The following UGT1A5 variants were observed in gnomAD, a reference collection of about 807,000 sequenced individuals.
The protein encoded by UGT1A5 is UDP-glucuronosyltransferase 1A5.
UGT1A5 carries 29 observed loss-of-function variants against 40.3 expected under a neutral mutation model. The observed-to-expected ratio is 0.72, with a 90% CI of 0.54 to 0.98. The LOEUF (loss-of-function observed/expected upper bound fraction) is 0.98. Ranked by LOEUF, UGT1A5 falls within the 50% of genes least tolerant of loss-of-function variation. The pLI is 0.00. For synonymous variants in UGT1A5, 257 were observed against 262.5 expected (o/e 0.98, Z 0.20); for missense variants, 678 against 677.9 (o/e 1.00, Z 0.00).
intron 1 of UGT1A5, among the ~76,000 whole-genome samples, chr2:233,731,771 A>T (rs1045763879): frequency 6.6e-6 from 1 of 152,184 alleles, no homozygotes; most frequent in Non-Finnish European, 1.5e-5. Flanking sequence ...TTAGAGTAGT[A>T]TCATTTATAA....
At position 233,733,533 on chromosome 2, in the gene UGT1A5, G is replaced by A. The variant is rs184573517; in HGVS notation, c.867+19675G>A. On this transcript the variant is annotated intron_variant, in intron 1 of 4. Coordinates refer to ENST00000373414, the MANE Select transcript of UGT1A5 (RefSeq NM_019078.2). ...TAGGCATGAAGGGATGTTTAATTTT[G>A]TTGAAGGCCTTTTCTGCATCTGTTG... 2.9e-3 allele frequency among the ~76,000 whole-genome samples: 440 copies of A among 152,268 alleles called. 3 individuals carry two copies. Among genetic ancestry groups the A allele is most frequent in the African/African-American group, 0.01 (417 of 41,554 alleles).
At chr2:233,767,657 C>T (rs1486356449) in intron 2 of UGT1A5, among the ~76,000 whole-genome samples, 192 bp from the exon 3 acceptor site, 2 of 152,174 alleles carry the variant, frequency 1.3e-5, no homozygotes, top group Non-Finnish European at 2.9e-5. Flanking sequence ...AGTGCATACA[C>T]CCTTGTAACT....
chr2:233,746,330 C>T (rs1183707871), intron 1 of UGT1A5, among the ~76,000 whole-genome samples: 1 of 151,730 alleles, frequency 6.6e-6, no homozygotes, highest in African/African-American at 2.4e-5. Context: ...ATCTACAGGG[C>T]AATGGACATG....
rs556291305 is a variant in UGT1A5, at chr2:233,766,974, G to A, written c.868-60G>A. 4.3e-6 allele frequency: 7 copies of A among 1,611,912 alleles called. No homozygotes were observed. In the East Asian group the frequency reaches 1.6e-4, roughly 36 times the overall value. On this transcript the variant is annotated intron_variant, in intron 1 of 4. Transcript: ENST00000373414. ...GAAGATATCTAATTCATAACTTACT[G>A]TATGTAGTCATCAAAGAATATGAGA... is the stretch of plus-strand genomic sequence containing the variant.
At position 233,769,662 on chromosome 2, in the gene UGT1A5, G is replaced by A; in HGVS notation, c.1307+1223G>A. 1 of 1,599,484 alleles carries A rather than the reference G, an allele frequency of 6.3e-7. No individual in the cohort carries two copies. The highest frequency in any genetic ancestry group is 8.5e-7 in the Non-Finnish European group (1 of 1,173,496). On this transcript the variant is annotated intron_variant, in intron 4 of 4. Transcript: ENST00000373414. The surrounding 1 kb of genome is among the most constrained non-coding windows in gnomAD (Gnocchi z 4.4). ...GACTGATGACTGACTTCCCACCTTT[G>A]AGGTGCTAATGTGTGTGTGGTGGCA...
chr2:233,740,484 TC>T (rs1034882349), intron 1 of UGT1A5, among the ~76,000 whole-genome samples: 1 of 151,900 alleles, frequency 6.6e-6, no homozygotes, highest in African/African-American at 2.4e-5. Flanking sequence ...CATTCCCTCT[TC>T]CAGATGCTTT....
intron 1 of UGT1A5, among the ~76,000 whole-genome samples, chr2:233,747,034 C>T (rs1693545520): frequency 6.6e-6 from 1 of 151,808 alleles, no homozygotes; most frequent in Non-Finnish European, 1.5e-5. Context: ...CGAAGTGGGA[C>T]CCATAATGAA....
chr2:233,747,212 A>G, intron 1 of UGT1A5: 1 of 1,605,294 alleles, frequency 6.2e-7, no homozygotes, highest in South Asian at 1.1e-5. Context: ...TCTTCTGCTG[A>G]GATGGCCACA....
chr2:233,769,597 C>T lies in UGT1A5; in HGVS notation c.1307+1158C>T, dbSNP rs772266725. 4 of 1,612,818 alleles carry T rather than the reference C, an allele frequency of 2.5e-6. No individual in the cohort carries two copies. Among genetic ancestry groups the T allele is most frequent in the Non-Finnish European group, 3.4e-6 (4 of 1,179,876 alleles). On this transcript the variant is annotated intron_variant, in intron 4 of 4. Transcript: ENST00000373414. The surrounding 1 kb of genome is among the most constrained non-coding windows in gnomAD (Gnocchi z 4.4). ...CATGTTCAGATGAGAGGAGACGGAACACGGGGACACACCAGCTTGAGCAAG... is the reference window on the plus strand; with the variant it reads ...CATGTTCAGATGAGAGGAGACGGAATACGGGGACACACCAGCTTGAGCAAG...
intron 1 of UGT1A5, among the ~76,000 whole-genome samples, chr2:233,735,310 TA>T (rs978223857): frequency 8.5e-5 from 13 of 152,318 alleles, no homozygotes; most frequent in African/African-American, 2.2e-4. Flanking sequence ...AAGTCTGTTT[TA>T]TCAGAGACTA....
At chr2:233,729,079 C>G (rs372945950) in intron 1 of UGT1A5, 1,314 of 1,611,886 alleles carry the variant, frequency 8.2e-4, no homozygotes, top group Non-Finnish European at 1.1e-3. Flanking sequence ...GCAAATGTAG[C>G]AGGCACAGCG....
At chr2:233,726,859 C>T (rs1181297447) in intron 1 of UGT1A5, among the ~76,000 whole-genome samples, 2 of 152,200 alleles carry the variant, frequency 1.3e-5, no homozygotes, top group Non-Finnish European at 2.9e-5. Flanking sequence ...TCTCCATAGT[C>T]TTCTATTCTC....
intron 1 of UGT1A5, among the ~76,000 whole-genome samples, chr2:233,763,416 A>T (rs1484402572): frequency 6.6e-6 from 1 of 152,224 alleles, no homozygotes; most frequent in Non-Finnish European, 1.5e-5. Flanking sequence ...TTTTTAATCC[A>T]GTCAGGCAGT....
At chr2:233,765,331 C>T (rs770638487) in intron 1 of UGT1A5, among the ~76,000 whole-genome samples, 13 of 152,154 alleles carry the variant, frequency 8.5e-5, no homozygotes, top group Admixed American at 2.6e-4. Context: ...GCACTATTCA[C>T]AATAACAAAG....
Position 233,733,786 on chromosome 2 carries a change from C to A in UGT1A5, c.867+19928C>A, listed in dbSNP as rs149311802. Among the ~76,000 whole-genome samples the A allele has an allele frequency of 6.6e-4, 100 of 152,236 alleles. 1 individual carries two copies. The highest frequency in any genetic ancestry group is 1.9e-3 in the African/African-American group (79 of 41,542). On this transcript the variant is annotated intron_variant, in intron 1 of 4. Transcript: ENST00000373414. ...ATTTTCTTTTTTTGTTGTGTCCCTG[C>A]CAACCTTTGGTATCAGGATGATGCT...
chr2:233,726,720 A>G (rs1047156507), intron 1 of UGT1A5, among the ~76,000 whole-genome samples: 16 of 152,220 alleles, frequency 1.1e-4, no homozygotes, highest in African/African-American at 3.4e-4. Context: ...AGGAAGTACA[A>G]TGTAGATACT....
At chr2:233,758,327 A>G (rs1696843047) in intron 1 of UGT1A5, among the ~76,000 whole-genome samples, 1 of 152,192 alleles carries the variant, frequency 6.6e-6, no homozygotes, top group Non-Finnish European at 1.5e-5. Flanking sequence ...CAGCCTCAAA[A>G]AGCTTGGAAG....
intron 1 of UGT1A5, among the ~76,000 whole-genome samples, chr2:233,727,658 C>T (rs1228112753): frequency 6.6e-6 from 1 of 152,168 alleles, no homozygotes; most frequent in Non-Finnish European, 1.5e-5. Flanking sequence ...TTCTAGTGCT[C>T]TATGTCCTTA....
Position 233,713,137 on chromosome 2 carries a change from G to T in UGT1A5, c.146G>T (p.Arg49Leu), listed in dbSNP as rs369417360. ...SHWLSMREAL[R>L]DLHARGHQVV... ...TGGCTCAGCATGCGGGAGGCCTTGC[G>T]GGACCTCCATGCGAGAGGCCACCAG... The change falls in exon 1 of 5, where the codon CGG (arginine) becomes CTG (leucine). Residue 49 changes from arginine to leucine, a missense_variant. By Grantham distance (102) the Arg-to-Leu change is moderately radical. Transcript: ENST00000373414. The T allele has an allele frequency of 6.2e-7, 1 of 1,614,192 alleles. No homozygotes were observed. Among genetic ancestry groups the T allele is most frequent in the African/African-American group, 1.3e-5 (1 of 75,038 alleles).
Sources: allele counts gnomAD v4.1 joint callset (sites outside exome capture counted in the v4.1 genomes callset), GRCh38; gene constraint gnomAD v4.1.1; non-coding constraint Gnocchi (gnomAD v3.1); transcripts MANE v1.5; gene names NCBI Gene and HGNC (gene_info 2026-07-23, HGNC 2026-07-21).